The following ADGRD1 variants were observed in gnomAD, a reference collection of about 807,000 sequenced individuals.
The protein encoded by ADGRD1 is adhesion G protein-coupled receptor D1, also known as G-protein coupled receptor 133.
ADGRD1 carries 77 observed loss-of-function variants against 113.4 expected under a neutral mutation model. The ratio of observed to expected loss-of-function variants is 0.68; its 90% CI spans 0.57 to 0.82. The LOEUF (loss-of-function observed/expected upper bound fraction) is 0.82. Ranked by LOEUF, ADGRD1 falls within the 40% of genes least tolerant of loss-of-function variation. The pLI, the probability that ADGRD1 is intolerant of heterozygous loss-of-function variation, is 0.00. For synonymous variants in ADGRD1, 474 were observed against 475.0 expected, an observed-to-expected ratio of 1.00 and a Z score of 0.03; for missense variants, 1,036 against 1,139.1, an observed-to-expected ratio of 0.91 and a Z score of 1.30.
At chr12:131,112,922 G>A (rs906771370) in intron 18 of ADGRD1, among the ~76,000 whole-genome samples, 1 of 152,244 alleles carries the variant, frequency 6.6e-6, no homozygotes, top group African/African-American at 2.4e-5. Context: ...AGGAGGAAGG[G>A]AGTCCCAACC....
In ADGRD1 at chr12:131,108,837, G is replaced by C. The variant is rs60880996; in HGVS notation, c.2001G>C (p.Ser667=). The change falls in exon 18 of 25, where the codon TCG becomes TCC. Residue 667 remains serine (S), a synonymous_variant. Transcript: ENST00000261654. ...LYSMVIKVFG[S]EDSKHRYYYG... ...GCATGGTGATCAAGGTCTTTGGGTC[G>C]GAGGACAGCAAGCACCGTTACTACT... is the stretch of plus-strand genomic sequence containing the variant. 3.1e-6 allele frequency: 5 copies of C among 1,613,728 alleles called. No homozygotes were observed. The South Asian group carries it at 5.5e-5, about 18-fold the overall frequency.
intron 12 of ADGRD1, among the ~76,000 whole-genome samples, chr12:131,007,322 C>T (rs537635159): frequency 1.3e-3 from 195 of 152,316 alleles, no homozygotes; most frequent in African/African-American, 3.6e-3. Context: ...AGAGACACTA[C>T]GTGGGGAAAT....
intron 8 of ADGRD1, chr12:130,992,595 G>T (rs1465027209): frequency 4.2e-6 from 2 of 475,518 alleles, no homozygotes; most frequent in South Asian, 4.0e-5. Context: ...TCCTTTATGG[G>T]CACTTGAGTC....
intron 3 of ADGRD1, chr12:130,969,400 C>G: frequency 3.8e-6 from 1 of 260,874 alleles, no homozygotes; most frequent in Non-Finnish European, 7.3e-6. Context: ...CAGCTGCTCC[C>G]TATCGCTCAC....
chr12:130,980,493 G>A (rs1872837489), intron 4 of ADGRD1, among the ~76,000 whole-genome samples: 1 of 151,682 alleles, frequency 6.6e-6, no homozygotes, highest in Non-Finnish European at 1.5e-5. Flanking sequence ...TGCCTCCGTG[G>A]TTCAAACAAT....
In ADGRD1 at chr12:130,971,624, C is replaced by T; in HGVS notation, c.310+44C>T. 6.4e-7 allele frequency: 1 copy of T among 1,567,216 alleles called. No individual in the cohort carries two copies. The highest frequency in any genetic ancestry group is 1.2e-5 in the South Asian group (1 of 84,130). On this transcript the variant is annotated intron_variant, in intron 4 of 24. Coordinates refer to ENST00000261654, the MANE Select transcript of ADGRD1 (RefSeq NM_198827.5). This position sits in a 1 kb window ranked among gnomAD's most constrained non-coding sequence, Gnocchi z 4.2. ...CGGCATCTTTGTCAAGCATTTCATT[C>T]TCAGGGAGCACCTGCTCCTCTGGTG... is the stretch of plus-strand genomic sequence containing the variant.
At chr12:131,017,693 G>A (rs1008014762) in intron 13 of ADGRD1, among the ~76,000 whole-genome samples, 5 of 122,928 alleles carry the variant, frequency 4.1e-5, no homozygotes, top group African/African-American at 1.6e-4. Flanking sequence ...AACACCCAGT[G>A]CACACACACC....
chr12:130,975,246 C>T (rs1161924650), intron 4 of ADGRD1, among the ~76,000 whole-genome samples: 1 of 152,166 alleles, frequency 6.6e-6, no homozygotes, highest in African/African-American at 2.4e-5. Flanking sequence ...GTTCCTCTGT[C>T]TCATGCCCTT....
At chr12:131,000,466 TC>T in intron 9 of ADGRD1, 24 bp downstream of exon 9, 1 of 1,580,388 alleles carries the variant, frequency 6.3e-7, no homozygotes, top group East Asian at 2.2e-5. Context: ...ACATGGTCGG[TC>T]ATGGTGGCTC....
chr12:131,075,223 G>A lies in ADGRD1; in HGVS notation c.1474-1578G>A, dbSNP rs779373174. On this transcript the variant is annotated intron_variant, in intron 13 of 24. Coordinates refer to ENST00000261654, the MANE Select transcript of ADGRD1 (RefSeq NM_198827.5). This position sits in a 1 kb window ranked among gnomAD's most constrained non-coding sequence, Gnocchi z 5.3. ...TTACATATAACGCTGTCTGCTGGAG[G>A]CTTTGGCCCTGGTGTAGCCTGGGCC... Among the ~76,000 whole-genome samples, 4 of 152,172 alleles carry A rather than the reference G, an allele frequency of 2.6e-5. No homozygotes were observed. The highest frequency in any genetic ancestry group is 5.9e-5 in the Non-Finnish European group (4 of 68,040).
At chr12:131,059,618 C>G (rs539105028) in intron 13 of ADGRD1, among the ~76,000 whole-genome samples, 1 of 152,164 alleles carries the variant, frequency 6.6e-6, no homozygotes, top group African/African-American at 2.4e-5. Context: ...ATCTGCTGAG[C>G]GCTGACATGA....
chr12:130,993,323 G>C (rs892826058), intron 8 of ADGRD1, among the ~76,000 whole-genome samples: 4 of 151,850 alleles, frequency 2.6e-5, no homozygotes, highest in African/African-American at 9.7e-5. Flanking sequence ...AATGGAGGGA[G>C]GTTGCCCTCA....
At chr12:131,138,075 CCT>C in intron 23 of ADGRD1, 60 bp from the exon 24 acceptor site, 11 of 1,376,794 alleles carry the variant, frequency 8.0e-6, no homozygotes, top group Non-Finnish European at 1.1e-5. Context: ...GGCACAGACT[CCT>C]CTGGTTACGG....
intron 4 of ADGRD1, among the ~76,000 whole-genome samples, chr12:130,973,611 C>G (rs1331242121): frequency 6.6e-6 from 1 of 152,214 alleles, no homozygotes; most frequent in Non-Finnish European, 1.5e-5. Context: ...TGCACCAATC[C>G]TTGGTCTAAT....
chr12:131,133,736 T>G (rs1417970422), intron 21 of ADGRD1, among the ~76,000 whole-genome samples: 1 of 152,208 alleles, frequency 6.6e-6, no homozygotes, highest in Non-Finnish European at 1.5e-5. Context: ...CACAATCTTC[T>G]TAGTGTGGAT....
intron 20 of ADGRD1, among the ~76,000 whole-genome samples, chr12:131,123,038 A>ATTTTTTTT (rs1950636788): frequency 5.7e-5 from 2 of 35,386 alleles, no homozygotes; most frequent in Non-Finnish European, 1.2e-4. Context: ...TTACCTGGGG[A>ATTTTTTTT]GTTTTTTTTT....
intron 24 of ADGRD1, among the ~76,000 whole-genome samples, chr12:131,138,936 GC>G (rs1190200476): frequency 6.6e-6 from 1 of 152,146 alleles, no homozygotes; most frequent in Non-Finnish European, 1.5e-5. Flanking sequence ...AGCACAGCAC[GC>G]CTGCAGTGCC....
rs755674311 is a variant in ADGRD1, at chr12:131,138,245, A to G, written c.2529+16A>G. 1.9e-6 allele frequency: 3 copies of G among 1,607,648 alleles called. No homozygotes were observed. The highest frequency in any genetic ancestry group is 2.6e-6 in the Non-Finnish European group (3 of 1,175,110). ...CTCGGACCTCGTGAGTGCAGCCTCC[A>G]TAAACCGAGGGTCCCAGCCCATCCT... is the stretch of plus-strand genomic sequence containing the variant. On this transcript the variant is annotated intron_variant, in intron 24 of 24. Coordinates refer to ENST00000261654, the MANE Select transcript of ADGRD1 (RefSeq NM_198827.5).
chr12:131,125,413 GAGA>G (rs550973595), intron 20 of ADGRD1, among the ~76,000 whole-genome samples: 29 of 152,286 alleles, frequency 1.9e-4, no homozygotes, highest in African/African-American at 5.8e-4. Flanking sequence ...GTCTGGGGAA[GAGA>G]AGGAGTCTCT....
Sources: gnomAD v4.1 joint callset for allele counts (sites outside exome capture counted in the v4.1 genomes callset) on GRCh38, gnomAD v4.1.1 for gene constraint, Gnocchi (gnomAD v3.1) non-coding constraint, MANE v1.5 for transcripts, NCBI Gene and HGNC (gene_info 2026-07-23, HGNC 2026-07-21) for gene names.